PDE10A: variants seen among roughly 807,000 people sequenced by gnomAD.
PDE10A encodes the protein phosphodiesterase 10A.
PDE10A carries 39 observed loss-of-function variants against 97.7 expected under a neutral mutation model. The ratio of observed to expected loss-of-function variants is 0.40; its 90% CI spans 0.31 to 0.52. The LOEUF (loss-of-function observed/expected upper bound fraction) is 0.52. Ranked by LOEUF, PDE10A falls within the 20% of genes least tolerant of loss-of-function variation. The pLI is 0.56. For missense variants in PDE10A, 731 were observed against 1,047.8 expected (o/e 0.70, Z 4.17); for synonymous variants, 371 against 376.8 (o/e 0.98, Z 0.18).
intron 1 of PDE10A, among the ~76,000 whole-genome samples, chr6:165,659,818 A>ATCCC (rs1790146364): frequency 6.6e-6 from 1 of 152,126 alleles, no homozygotes; most frequent in African/African-American, 2.4e-5. Flanking sequence ...CCTGCTACGA[A>ATCCC]TCCCGAGAGG....
chr6:165,433,890 G>A (rs1049610231), intron 6 of PDE10A, among the ~76,000 whole-genome samples: 52 of 151,466 alleles, frequency 3.4e-4, no homozygotes, highest in African/African-American at 1.2e-3. Flanking sequence ...GGTGGCAGGC[G>A]CCTGTAGTCC....
chr6:165,533,550 C>A lies in PDE10A; in HGVS notation c.994+9890G>T, dbSNP rs929215951. Among the ~76,000 whole-genome samples, 3 of 152,110 alleles carry A rather than the reference C, an allele frequency of 2.0e-5. No homozygotes were observed. The East Asian group carries it at 5.8e-4, about 29-fold the overall frequency. ...GTAGAGGTGGACTATATTTCTTGTT[C>A]TCCAATTATACATTCATAGTGGATA... On this transcript the variant is annotated intron_variant, in intron 2 of 21. Transcript: ENST00000539869.
chr6:165,464,316 C>T (rs915250520), intron 3 of PDE10A, among the ~76,000 whole-genome samples: 21 of 152,244 alleles, frequency 1.4e-4, no homozygotes, highest in East Asian at 9.7e-4. Flanking sequence ...CTGATACCTC[C>T]GGTTCCAACC....
intron 1 of PDE10A, among the ~76,000 whole-genome samples, chr6:165,762,659 T>A (rs1044638228): frequency 2.6e-5 from 4 of 151,970 alleles, no homozygotes; most frequent in African/African-American, 9.7e-5. Context: ...ATGAAGCCAA[T>A]CAAATAAATA....
At chr6:165,898,116 G>C (rs931109482) in intron 1 of PDE10A, among the ~76,000 whole-genome samples, 1 of 149,362 alleles carries the variant, frequency 6.7e-6, no homozygotes, top group African/African-American at 2.5e-5. Flanking sequence ...CACCCCCCAT[G>C]AGTTGCCATC....
intron 1 of PDE10A, among the ~76,000 whole-genome samples, chr6:165,596,757 TAAAC>T (rs1256503143): frequency 2.0e-5 from 3 of 152,036 alleles, no homozygotes; most frequent in Non-Finnish European, 2.9e-5. Context: ...TGTAAGTGAA[TAAAC>T]AAACAAACTC....
At chr6:165,464,082 T>C (rs1778492533) in intron 3 of PDE10A, among the ~76,000 whole-genome samples, 1 of 152,238 alleles carries the variant, frequency 6.6e-6, no homozygotes, top group Non-Finnish European at 1.5e-5. Flanking sequence ...GTGAGACCCC[T>C]GATTTCCCAC....
intron 1 of PDE10A, among the ~76,000 whole-genome samples, chr6:165,687,430 G>A (rs1312990121): frequency 2.6e-5 from 4 of 152,184 alleles, no homozygotes; most frequent in Non-Finnish European, 4.4e-5. Flanking sequence ...TGAGAACACC[G>A]TGAGAAAAAA....
At chr6:165,453,770 G>A (rs990427586) in intron 3 of PDE10A, among the ~76,000 whole-genome samples, 7 of 152,300 alleles carry the variant, frequency 4.6e-5, no homozygotes, top group African/African-American at 7.2e-5. Flanking sequence ...TGGGGCCCAC[G>A]GACAAACTTG....
chr6:165,956,323 G>A (rs928862928), intron 1 of PDE10A, among the ~76,000 whole-genome samples: 1 of 152,156 alleles, frequency 6.6e-6, no homozygotes, highest in Admixed American at 6.5e-5. Context: ...AATGCCTGTG[G>A]CAATTTCTCT....
intron 1 of PDE10A, among the ~76,000 whole-genome samples, chr6:165,766,375 G>A (rs115086907): frequency 0.013 from 1,906 of 152,250 alleles, 35 homozygotes; most frequent in African/African-American, 0.043. Context: ...CTTATAAGGC[G>A]CCAGCAGTAA....
intron 1 of PDE10A, among the ~76,000 whole-genome samples, chr6:165,828,882 G>C (rs575584577): frequency 6.6e-6 from 1 of 152,324 alleles, no homozygotes; most frequent in South Asian, 2.1e-4. Flanking sequence ...AAAGCTTTCA[G>C]TGTGCAAGAA....
At chr6:165,683,549 G>T (rs996463865) in intron 1 of PDE10A, among the ~76,000 whole-genome samples, 1 of 152,192 alleles carries the variant, frequency 6.6e-6, no homozygotes. Flanking sequence ...TGAGATCTTG[G>T]TGAGGTCATT....
chr6:165,451,048 CA>C (rs1413237400), intron 3 of PDE10A, among the ~76,000 whole-genome samples: 1 of 152,190 alleles, frequency 6.6e-6, no homozygotes, highest in African/African-American at 2.4e-5. Context: ...AAGTCTGCTG[CA>C]GTCGCTGCAC....
chr6:165,624,240 A>T (rs1165405609), intron 1 of PDE10A, among the ~76,000 whole-genome samples: 2 of 151,968 alleles, frequency 1.3e-5, no homozygotes, highest in African/African-American at 4.8e-5. Context: ...GCCCTGGCAC[A>T]CTCTCCAGCA....
intron 17 of PDE10A, among the ~76,000 whole-genome samples, chr6:165,384,006 G>C (rs149422332): frequency 6.6e-5 from 10 of 152,230 alleles, no homozygotes; most frequent in African/African-American, 2.4e-4. Context: ...CAGATCTGTA[G>C]TCCTGGAACA....
At chr6:165,936,213 G>A (rs1783321262) in intron 1 of PDE10A, among the ~76,000 whole-genome samples, 1 of 152,204 alleles carries the variant, frequency 6.6e-6, no homozygotes. Flanking sequence ...TATTCATGCA[G>A]AACTGGTGAC....
intron 1 of PDE10A, among the ~76,000 whole-genome samples, chr6:165,812,815 T>C (rs1273911046): frequency 1.3e-5 from 2 of 152,298 alleles, no homozygotes; most frequent in East Asian, 3.9e-4. Context: ...ATCTTCATCA[T>C]ACAAAAAGGA....
At chr6:165,747,888 T>C (rs937072765) in intron 1 of PDE10A, among the ~76,000 whole-genome samples, 1 of 152,176 alleles carries the variant, frequency 6.6e-6, no homozygotes, top group African/African-American at 2.4e-5. Flanking sequence ...TCCATCCCAA[T>C]AAGAACAGAG....
Sources: gnomAD v4.1 joint callset for allele counts (sites outside exome capture counted in the v4.1 genomes callset) on GRCh38, gnomAD v4.1.1 for gene constraint, MANE v1.5 for transcripts, NCBI Gene and HGNC (gene_info 2026-07-23, HGNC 2026-07-21) for gene names.